NEGR1: variants seen among roughly 807,000 people sequenced by gnomAD.
The protein encoded by NEGR1 is neuronal growth regulator 1, also known as IgLON family member 4.
In NEGR1, 10 loss-of-function variants were observed where a neutral mutation model predicts 40.9. That is an observed-to-expected ratio of 0.24 (90% CI 0.15 to 0.42). NEGR1 has a LOEUF of 0.42. Among genes scored for constraint, NEGR1 ranks in the 10% least tolerant of loss-of-function variants. NEGR1 has a pLI of 1.00. For synonymous variants in NEGR1, 185 were observed against 166.8 expected, an observed-to-expected ratio of 1.11 and a Z score of -0.84; for missense variants, 352 against 438.9, an observed-to-expected ratio of 0.80 and a Z score of 1.77.
At chr1:71,616,451 T>A (rs1650449103) in intron 4 of NEGR1, among the ~76,000 whole-genome samples, 1 of 152,128 alleles carries the variant, frequency 6.6e-6, no homozygotes, top group Admixed American at 6.6e-5. Flanking sequence ...CACTGGGGAG[T>A]GGCTGCAAAT....
At chr1:71,871,693 T>A (rs980869335) in intron 2 of NEGR1, among the ~76,000 whole-genome samples, 3 of 152,174 alleles carry the variant, frequency 2.0e-5, no homozygotes, top group African/African-American at 2.4e-5. Context: ...AAAGTTTAAA[T>A]CAAATTGTTT....
intron 5 of NEGR1, among the ~76,000 whole-genome samples, chr1:71,602,244 T>G (rs1169923069): frequency 9.5e-6 from 1 of 104,912 alleles, no homozygotes; most frequent in African/African-American, 3.8e-5. Flanking sequence ...TATTCTTTTT[T>G]TTTTTTTTTT....
chr1:71,922,219 C>A (rs1645726978), intron 2 of NEGR1, among the ~76,000 whole-genome samples: 1 of 152,142 alleles, frequency 6.6e-6, no homozygotes, highest in African/African-American at 2.4e-5. Context: ...GGAGGAGACA[C>A]CGCCTGTGAC....
At chr1:71,419,229 G>T (rs1191270547) in intron 6 of NEGR1, among the ~76,000 whole-genome samples, 2 of 152,016 alleles carry the variant, frequency 1.3e-5, no homozygotes, top group African/African-American at 4.8e-5. Context: ...TCATTTTAGG[G>T]GCATCCAGAG....
At position 72,205,783 on chromosome 1, in the gene NEGR1, A is replaced by T. The variant is rs985895995; in HGVS notation, c.176+76536T>A. 3.1e-4 allele frequency among the ~76,000 whole-genome samples: 46 copies of T among 146,670 alleles called. 1 individual carries two copies. The highest frequency in any genetic ancestry group is 1.1e-3 in the African/African-American group (44 of 38,816). ...AAAAAAAAAAAAAAAAAAAAAAAAA[A>T]ATACAAAAATTAGTCAGGCATGGTG... On this transcript the variant is annotated intron_variant, in intron 1 of 6. Coordinates refer to ENST00000357731, the MANE Select transcript of NEGR1 (RefSeq NM_173808.3).
intron 1 of NEGR1, among the ~76,000 whole-genome samples, chr1:72,057,734 ATAAATGTGCCAGCATGGTTGGTGTCTGG>A (rs1298857076): frequency 1.3e-5 from 2 of 151,438 alleles, no homozygotes; most frequent in Non-Finnish European, 3.0e-5. Context: ...GAAATTCAAG[ATAAATGTGCCAGCATGGTTGGTGTCTGG>A]TAAGGCCTCT....
intron 1 of NEGR1, among the ~76,000 whole-genome samples, chr1:72,193,267 C>A (rs1652883723): frequency 6.6e-6 from 1 of 151,632 alleles, no homozygotes; most frequent in African/African-American, 2.4e-5. Flanking sequence ...TCTATCTTTG[C>A]AATAATTTCA....
rs138108883 is a variant in NEGR1, at chr1:72,235,293, G to A, written c.176+47026C>T. On this transcript the variant is annotated intron_variant, in intron 1 of 6. Coordinates refer to ENST00000357731, the MANE Select transcript of NEGR1 (RefSeq NM_173808.3). Reference sequence around the variant, plus strand: ...GGTTACAACACAGAGCGCTTGTGAAGAGTGGTGGGTGAAGATTAACCTGGA... The same window carrying A: ...GGTTACAACACAGAGCGCTTGTGAAAAGTGGTGGGTGAAGATTAACCTGGA... 1.4e-4 allele frequency among the ~76,000 whole-genome samples: 21 copies of A among 152,238 alleles called. No homozygotes were observed. In the East Asian group the frequency reaches 3.7e-3, roughly 27 times the overall value.
chr1:71,907,180 A>C (rs79307290), intron 2 of NEGR1, among the ~76,000 whole-genome samples: 2,318 of 152,260 alleles, frequency 0.015, 44 homozygotes, highest in South Asian at 0.1. Flanking sequence ...TGCTTCCAAG[A>C]GATAACTCGT....
intron 1 of NEGR1, among the ~76,000 whole-genome samples, chr1:72,012,241 A>G (rs12567329): frequency 0.082 from 12,470 of 152,120 alleles, 521 homozygotes; most frequent in African/African-American, 0.11. Context: ...TATAATGACT[A>G]TATTAGTGTC....
intron 1 of NEGR1, among the ~76,000 whole-genome samples, chr1:72,279,812 A>T (rs1656182378): frequency 6.6e-6 from 1 of 152,160 alleles, no homozygotes; most frequent in Non-Finnish European, 1.5e-5. Context: ...AACTGACAAT[A>T]TTTAACATTT....
At chr1:71,654,801 G>A (rs1243429644) in intron 4 of NEGR1, among the ~76,000 whole-genome samples, 1 of 152,148 alleles carries the variant, frequency 6.6e-6, no homozygotes, top group East Asian at 1.9e-4. Flanking sequence ...ATTATGGGTT[G>A]CTAGTTTTCA....
chr1:71,519,446 G>T (rs1647137613), intron 6 of NEGR1, among the ~76,000 whole-genome samples: 1 of 28,832 alleles, frequency 3.5e-5, no homozygotes, highest in African/African-American at 1.6e-4. Flanking sequence ...GGATGAAATT[G>T]GAAACCATCA....
chr1:71,465,326 T>C (rs1170238664), intron 6 of NEGR1, among the ~76,000 whole-genome samples: 1 of 152,080 alleles, frequency 6.6e-6, no homozygotes, highest in African/African-American at 2.4e-5. Context: ...CAGTTTTTTC[T>C]GAGTGGCTGC....
intron 6 of NEGR1, among the ~76,000 whole-genome samples, chr1:71,542,836 C>A (rs2101459169): frequency 6.6e-6 from 1 of 151,810 alleles, no homozygotes; most frequent in Non-Finnish European, 1.5e-5. Flanking sequence ...AGATTAAGAG[C>A]TCCACAAGCA....
At chr1:71,579,265 T>A (rs568777874) in intron 6 of NEGR1, among the ~76,000 whole-genome samples, 1 of 152,314 alleles carries the variant, frequency 6.6e-6, no homozygotes, top group South Asian at 2.1e-4. Flanking sequence ...AGTCATTCTT[T>A]CTATCACCCC....
chr1:71,958,184 G>A (rs926711834), intron 1 of NEGR1, among the ~76,000 whole-genome samples: 6 of 152,130 alleles, frequency 3.9e-5, no homozygotes, highest in African/African-American at 1.4e-4. Context: ...ATGACAAAAT[G>A]AGAGATGAAA....
At chr1:72,243,088 T>C (rs942840237) in intron 1 of NEGR1, among the ~76,000 whole-genome samples, 2 of 151,766 alleles carry the variant, frequency 1.3e-5, no homozygotes, top group African/African-American at 4.8e-5. Flanking sequence ...TAATAACATG[T>C]TCTAAATCTT....
intron 4 of NEGR1, among the ~76,000 whole-genome samples, chr1:71,696,541 T>C (rs1653480028): frequency 6.6e-6 from 1 of 151,806 alleles, no homozygotes; most frequent in Non-Finnish European, 1.5e-5. Context: ...TAGATATATG[T>C]CTCTCTTCCC....
Sources: gnomAD v4.1 joint callset for allele counts (sites outside exome capture counted in the v4.1 genomes callset) on GRCh38, gnomAD v4.1.1 for gene constraint, MANE v1.5 for transcripts, NCBI Gene and HGNC (gene_info 2026-07-23, HGNC 2026-07-21) for gene names.